Variants in APBA2 observed in about 807,000 individuals in gnomAD.
APBA2 encodes amyloid-beta A4 precursor protein-binding family A member 2.
APBA2 carries 30 observed loss-of-function variants against 75.0 expected under a neutral mutation model. That is an observed-to-expected ratio of 0.40 (90% confidence interval 0.30 to 0.54). The LOEUF (loss-of-function observed/expected upper bound fraction) is 0.54, where lower values mean the gene tolerates loss of function less well. Ranked by LOEUF, APBA2 falls within the 20% of genes least tolerant of loss-of-function variation. The pLI is 0.49. For synonymous variants in APBA2, 444 were observed against 409.6 expected (o/e 1.08, Z -1.01); for missense variants, 801 against 1,016.1 (o/e 0.79, Z 2.88).
chr15:28,973,004 G>A (rs1186704191), intron 2 of APBA2, among the ~76,000 whole-genome samples: 1 of 152,124 alleles, frequency 6.6e-6, no homozygotes, highest in African/African-American at 2.4e-5. Context: ...TATTCTACAT[G>A]GCATTTAATT....
At chr15:29,039,907 G>T (rs1414526228) in intron 3 of APBA2, among the ~76,000 whole-genome samples, 1 of 152,150 alleles carries the variant, frequency 6.6e-6, no homozygotes, top group Non-Finnish European at 1.5e-5. Context: ...TCGGGAAGGG[G>T]GTTGGAGCTT....
intron 2 of APBA2, among the ~76,000 whole-genome samples, chr15:28,941,795 C>T (rs1009019152): frequency 2.9e-4 from 44 of 151,950 alleles, no homozygotes; most frequent in South Asian, 2.1e-3. Context: ...CTCGCTCTTT[C>T]GCCCAGGCTG....
At chr15:28,912,491 A>T (rs2033475914) in intron 1 of APBA2, among the ~76,000 whole-genome samples, 1 of 152,246 alleles carries the variant, frequency 6.6e-6, no homozygotes, top group African/African-American at 2.4e-5. Context: ...AGCTCATAAA[A>T]GCCCCAAGCT....
chr15:28,951,065 A>T (rs1233173435), intron 2 of APBA2, among the ~76,000 whole-genome samples: 2 of 152,192 alleles, frequency 1.3e-5, no homozygotes, highest in African/African-American at 4.8e-5. Flanking sequence ...GATGGGAAAT[A>T]TCTGGGAGAA....
At chr15:28,958,540 T>C (rs1270148108) in intron 2 of APBA2, among the ~76,000 whole-genome samples, 1 of 152,232 alleles carries the variant, frequency 6.6e-6, no homozygotes, top group Non-Finnish European at 1.5e-5. Flanking sequence ...TGTAGGTAAA[T>C]CTCTTGCTGA....
At chr15:28,975,203 T>C (rs1185967972) in intron 2 of APBA2, among the ~76,000 whole-genome samples, 2 of 151,382 alleles carry the variant, frequency 1.3e-5, no homozygotes, top group African/African-American at 4.9e-5. Context: ...CACAGAAAGT[T>C]TTAAAAAAAA....
chr15:29,079,959 C>T (rs2043017036), intron 6 of APBA2, among the ~76,000 whole-genome samples: 1 of 152,158 alleles, frequency 6.6e-6, no homozygotes, highest in Non-Finnish European at 1.5e-5. Context: ...AAGTACTTTC[C>T]CCCGTCTGAT....
At chr15:28,915,739 AACAC>A (rs1412428825) in intron 1 of APBA2, among the ~76,000 whole-genome samples, 1 of 148,470 alleles carries the variant, frequency 6.7e-6, no homozygotes, top group Non-Finnish European at 1.5e-5. Flanking sequence ...ATGCACACAA[AACAC>A]ACACACTCAA....
In APBA2 at chr15:29,070,054, C is replaced by G. The variant is rs568514485; in HGVS notation, c.952-4867C>G. Among the ~76,000 whole-genome samples the G allele has an allele frequency of 2.6e-5, 4 of 152,274 alleles. No individual in the cohort carries two copies. The South Asian group carries it at 8.3e-4, about 32-fold the overall frequency. ...CAGAGTGTGCTATCAGCCTGTCTGC[C>G]CCCTAGAGCTGATGGACTCAGCAAA... is the stretch of plus-strand genomic sequence containing the variant. On this transcript the variant is annotated intron_variant, in intron 4 of 14. Transcript: ENST00000683413.
At chr15:29,068,986 A>G (rs1595886061) in intron 4 of APBA2, among the ~76,000 whole-genome samples, 2 of 151,840 alleles carry the variant, frequency 1.3e-5, no homozygotes, top group South Asian at 4.2e-4. Flanking sequence ...CCCAGAGGAG[A>G]CCCTGTATTT....
intron 3 of APBA2, 99 bp from the exon 4 acceptor site, chr15:29,053,746 C>T (rs937347027): frequency 6.4e-5 from 46 of 714,102 alleles, no homozygotes; most frequent in East Asian, 2.2e-4. Context: ...CACATGGCTG[C>T]GGGAGGACGT....
chr15:28,951,881 CTTTT>C (rs71414600), intron 2 of APBA2, among the ~76,000 whole-genome samples: 3 of 109,824 alleles, frequency 2.7e-5, no homozygotes, highest in African/African-American at 3.8e-5. Flanking sequence ...TGCACTCAGC[CTTTT>C]TTTTTTTTTT....
chr15:29,021,401 G>A (rs1036135380), intron 3 of APBA2, among the ~76,000 whole-genome samples: 2 of 151,932 alleles, frequency 1.3e-5, no homozygotes, highest in Non-Finnish European at 2.9e-5. Flanking sequence ...GGTGGCGCGC[G>A]CCTGTAGTGC....
At chr15:29,000,464 T>A (rs2038787183) in intron 3 of APBA2, among the ~76,000 whole-genome samples, 1 of 152,258 alleles carries the variant, frequency 6.6e-6, no homozygotes, top group Non-Finnish European at 1.5e-5. Context: ...CCCAGTGTTC[T>A]GTGCTGTGGG....
At chr15:29,030,036 C>T (rs1294137644) in intron 3 of APBA2, among the ~76,000 whole-genome samples, 1 of 152,140 alleles carries the variant, frequency 6.6e-6, no homozygotes, top group African/African-American at 2.4e-5. Context: ...AGGTGTGGCC[C>T]CAACAAGGCT....
At chr15:29,058,483 C>T (rs955091358) in intron 4 of APBA2, among the ~76,000 whole-genome samples, 3 of 151,860 alleles carry the variant, frequency 2.0e-5, no homozygotes, top group Non-Finnish European at 2.9e-5. Flanking sequence ...TGCACTCCAA[C>T]GTTGGCAACA....
chr15:29,093,136 G>A lies in APBA2; in HGVS notation c.1131G>A (p.Leu377=), dbSNP rs1400524929. 6.2e-7 allele frequency: 1 copy of A among 1,614,132 alleles called. No individual in the cohort carries two copies. The highest frequency in any genetic ancestry group is 8.5e-7 in the Non-Finnish European group (1 of 1,180,050). Residue 377 remains leucine, a synonymous_variant, in exon 7 of 15, where the codon CTG becomes CTA. Coordinates refer to ENST00000683413, the MANE Select transcript of APBA2 (RefSeq NM_001353788.2). The part of the protein sequence containing the change: ...IDGIIFAANY[L]GSTQLLSERN... Reference sequence around the variant, plus strand: ...GGATCATCTTTGCTGCCAATTACCTGGGGTCCACCCAGCTGCTATCAGAAC... The same window carrying A: ...GGATCATCTTTGCTGCCAATTACCTAGGGTCCACCCAGCTGCTATCAGAAC...
chr15:28,954,095 A>G (rs2036036495), intron 2 of APBA2, among the ~76,000 whole-genome samples: 1 of 152,044 alleles, frequency 6.6e-6, no homozygotes, highest in South Asian at 2.1e-4. Context: ...CTTGGAGCCA[A>G]CCTTGACTCC....
At chr15:29,103,120 G>A (rs1392494604) in intron 10 of APBA2, among the ~76,000 whole-genome samples, 1 of 152,260 alleles carries the variant, frequency 6.6e-6, no homozygotes, top group Admixed American at 6.5e-5. Context: ...CCTGGCTTGG[G>A]GATGGGCCAC....
Sources: gnomAD v4.1 joint callset for allele counts (sites outside exome capture counted in the v4.1 genomes callset) on GRCh38, gnomAD v4.1.1 for gene constraint, MANE v1.5 for transcripts, NCBI Gene and HGNC (gene_info 2026-07-23, HGNC 2026-07-21) for gene names.